The following FAM163A variants were observed in gnomAD, a reference collection of about 807,000 sequenced individuals.
FAM163A encodes the protein protein FAM163A.
In FAM163A, 7 loss-of-function variants were observed where a neutral mutation model predicts 12.0. That is an observed-to-expected ratio of 0.58 (90% CI 0.33 to 1.10). FAM163A has a LOEUF of 1.10. Ranked by LOEUF, FAM163A falls within the 50% of genes least tolerant of loss-of-function variation. FAM163A has a pLI of 0.03. For synonymous variants in FAM163A, 101 were observed against 91.0 expected (o/e 1.11, Z -0.62); for missense variants, 202 against 218.6 (o/e 0.92, Z 0.48).
chr1:179,795,312 T>C (rs1692128204), intron 1 of FAM163A, among the ~76,000 whole-genome samples: 1 of 152,190 alleles, frequency 6.6e-6, no homozygotes, highest in South Asian at 2.1e-4. Flanking sequence ...TTTACACTCA[T>C]CTGTGGCTTG....
intron 1 of FAM163A, among the ~76,000 whole-genome samples, chr1:179,770,564 T>C (rs1487773941): frequency 6.6e-6 from 1 of 152,164 alleles, no homozygotes; most frequent in Non-Finnish European, 1.5e-5. Context: ...TCCAGCCTTC[T>C]CTATCCCTGT....
rs778086353 is a variant in FAM163A at position 179,813,799 on chromosome 1, C to T, written c.114C>T (p.Ser38=). 2 of 1,613,958 alleles carry T rather than the reference C, an allele frequency of 1.2e-6. No homozygotes were observed. The highest frequency in any genetic ancestry group is 1.7e-6 in the Non-Finnish European group (2 of 1,180,012). The change falls in exon 5 of 5, where the codon AGC becomes AGT. Residue 38 remains serine (S), a synonymous_variant. Coordinates refer to ENST00000341785, the MANE Select transcript of FAM163A (RefSeq NM_173509.3). The part of the protein sequence containing the change: ...CRLQYYCCKK[S]GTEVADEEEE... ...CACAGTATTACTGCTGCAAGAAGAG[C>T]GGAACCGAGGTTGCAGACGAGGAGG... is the stretch of plus-strand genomic sequence containing the variant.
chr1:179,810,125 C>A (rs1464659725), intron 2 of FAM163A, among the ~76,000 whole-genome samples: 1 of 152,092 alleles, frequency 6.6e-6, no homozygotes, highest in African/African-American at 2.4e-5. Context: ...GATAGGAGAC[C>A]GTGTAAGACA....
chr1:179,735,185 G>A, the FAM163A span, among the ~76,000 whole-genome samples: 3 of 152,112 alleles, frequency 2.0e-5, no homozygotes, highest in African/African-American at 4.8e-5. Context: ...TTTTGTTTCT[G>A]AAAAAGGTAG....
At chr1:179,788,869 G>A (rs1008705907) in intron 1 of FAM163A, among the ~76,000 whole-genome samples, 2 of 152,178 alleles carry the variant, frequency 1.3e-5, no homozygotes, top group Non-Finnish European at 2.9e-5. Context: ...CTCACCAGGT[G>A]GGGTGTTTAC....
At chr1:179,783,731 TA>T (rs1690135151) in intron 1 of FAM163A, among the ~76,000 whole-genome samples, 2 of 95,356 alleles carry the variant, frequency 2.1e-5, no homozygotes, top group African/African-American at 1.1e-4. Context: ...AAATTTTATA[TA>T]ATTGAGCCCA....
At chr1:179,733,584 A>G in the FAM163A span, among the ~76,000 whole-genome samples, 2 of 152,146 alleles carry the variant, frequency 1.3e-5, no homozygotes, top group Non-Finnish European at 2.9e-5. Flanking sequence ...TCCTAATTCC[A>G]AGGCCTTGTG....
At chr1:179,788,309 A>G (rs1348901645) in intron 1 of FAM163A, among the ~76,000 whole-genome samples, 1 of 152,168 alleles carries the variant, frequency 6.6e-6, no homozygotes, top group East Asian at 1.9e-4. Context: ...AATCCGAACG[A>G]TATTTCTCTT....
At chr1:179,792,384 T>C (rs1691647530) in intron 1 of FAM163A, among the ~76,000 whole-genome samples, 1 of 149,824 alleles carries the variant, frequency 6.7e-6, no homozygotes, top group Non-Finnish European at 1.5e-5. Flanking sequence ...GCTCAACAAA[T>C]CCACCCCCGC....
At position 179,813,837 on chromosome 1, in the gene FAM163A, A is replaced by C. The variant is rs1200024389; in HGVS notation, c.152A>C (p.His51Pro). The C allele has an allele frequency of 2.5e-6, 4 of 1,614,018 alleles. No homozygotes were observed. The highest frequency in any genetic ancestry group is 3.4e-6 in the Non-Finnish European group (4 of 1,180,036). Reference protein sequence around the residue: ...EVADEEEEREHDLPTHPRGPT... With the variant: ...EVADEEEEREPDLPTHPRGPT... Reference sequence around the variant, plus strand: ...GCAGACGAGGAGGAGGAGCGGGAGCACGACCTTCCCACGCATCCCAGAGGC... The same window carrying C: ...GCAGACGAGGAGGAGGAGCGGGAGCCCGACCTTCCCACGCATCCCAGAGGC... Residue 51 changes from histidine (H) to proline (P), a missense_variant, in exon 5 of 5, where the codon CAC (histidine) becomes CCC (proline). Coordinates refer to ENST00000341785, the MANE Select transcript of FAM163A (RefSeq NM_173509.3).
chr1:179,781,676 C>A (rs2148181608), intron 1 of FAM163A, among the ~76,000 whole-genome samples: 1 of 152,240 alleles, frequency 6.6e-6, no homozygotes, highest in East Asian at 1.9e-4. Context: ...TGGCTCATGC[C>A]TGTAATCCCA....
the FAM163A span, among the ~76,000 whole-genome samples, chr1:179,728,059 G>A: frequency 6.6e-6 from 1 of 152,136 alleles, no homozygotes; most frequent in Non-Finnish European, 1.5e-5. Flanking sequence ...AGAAAAAGGA[G>A]ACAGTAGCTG....
chr1:179,734,692 C>G, the FAM163A span, among the ~76,000 whole-genome samples: 1 of 152,302 alleles, frequency 6.6e-6, no homozygotes, highest in South Asian at 2.1e-4. Context: ...CCTCCAAATA[C>G]CATCACCTTG....
intron 1 of FAM163A, among the ~76,000 whole-genome samples, chr1:179,746,637 C>T (rs780031336): frequency 5.3e-5 from 8 of 152,144 alleles, no homozygotes; most frequent in Admixed American, 3.9e-4. Flanking sequence ...CCTGTAAACC[C>T]TTTTGTACCT....
intron 2 of FAM163A, among the ~76,000 whole-genome samples, chr1:179,809,006 C>T (rs1316844550): frequency 6.6e-6 from 1 of 152,124 alleles, no homozygotes; most frequent in East Asian, 1.9e-4. Context: ...ACTTGGGAGG[C>T]TGAGGTGGGA....
At position 179,813,184 on chromosome 1, in the gene FAM163A, G is replaced by A. The variant is rs145132659; in HGVS notation, c.87G>A (p.Arg29=). The change falls in exon 4 of 5, where the codon AGG becomes AGA. Residue 29 remains arginine, a synonymous_variant. Coordinates refer to ENST00000341785, the MANE Select transcript of FAM163A (RefSeq NM_173509.3). ...LCIIAVLCYC[R]LQYYCCKKSG... ...TCATTGCCGTCCTGTGCTACTGCAG[G>A]CTCCAGGTCAGTCCCCGGGACCCGT... The A allele has an allele frequency of 2.0e-5, 31 of 1,551,730 alleles. No individual in the cohort carries two copies. In the African/African-American group the frequency reaches 3.4e-4, roughly 17 times the overall value.
At chr1:179,786,419 C>T (rs776504825) in intron 1 of FAM163A, among the ~76,000 whole-genome samples, 8 of 152,210 alleles carry the variant, frequency 5.3e-5, no homozygotes, top group African/African-American at 1.4e-4. Context: ...ATCTGGGCTG[C>T]AGGCCTGAGT....
intron 3 of FAM163A, among the ~76,000 whole-genome samples, chr1:179,812,822 C>T (rs1186110856): frequency 2.0e-5 from 3 of 152,100 alleles, no homozygotes; most frequent in Admixed American, 1.3e-4. Flanking sequence ...AGAGGAAAGG[C>T]GAGAAGAGCA....
chr1:179,751,018 A>G (rs1685201044), intron 1 of FAM163A, among the ~76,000 whole-genome samples: 2 of 152,168 alleles, frequency 1.3e-5, no homozygotes, highest in African/African-American at 4.8e-5. Flanking sequence ...GCCATTTCCT[A>G]AGACAGGAAA....
Sources: gnomAD v4.1 joint callset for allele counts (sites outside exome capture counted in the v4.1 genomes callset) on GRCh38, gnomAD v4.1.1 for gene constraint, MANE v1.5 for transcripts, NCBI Gene and HGNC (gene_info 2026-07-23, HGNC 2026-07-21) for gene names.